Variants in AGPS observed in about 807,000 individuals in gnomAD.
AGPS encodes alkyldihydroxyacetonephosphate synthase, peroxisomal.
In AGPS, 26 loss-of-function variants were observed where a neutral mutation model predicts 90.7. The ratio of observed to expected loss-of-function variants is 0.29; its 90% CI spans 0.21 to 0.40. The LOEUF is 0.40. Ranked by LOEUF, AGPS falls within the 10% of genes least tolerant of loss-of-function variation. The pLI is 1.00. For missense variants in AGPS, 540 were observed against 816.1 expected, an observed-to-expected ratio of 0.66 and a Z score of 4.12; for synonymous variants, 294 against 285.3, an observed-to-expected ratio of 1.03 and a Z score of -0.31.
At chr2:177,414,384 AT>A (rs995819396) in intron 1 of AGPS, among the ~76,000 whole-genome samples, 3 of 151,546 alleles carry the variant, frequency 2.0e-5, no homozygotes, top group Non-Finnish European at 4.4e-5. Flanking sequence ...ATTTTATTTT[AT>A]TTTTGAGAAT....
chr2:177,527,460 C>T (rs892128326), intron 19 of AGPS, among the ~76,000 whole-genome samples: 3 of 151,994 alleles, frequency 2.0e-5, no homozygotes, highest in Non-Finnish European at 4.4e-5. Context: ...AAATATTATA[C>T]ATTACTATTT....
intron 15 of AGPS, among the ~76,000 whole-genome samples, chr2:177,506,159 G>C (rs1688703943): frequency 6.6e-6 from 1 of 151,340 alleles, no homozygotes; most frequent in African/African-American, 2.4e-5. Flanking sequence ...ATTTAGTTTT[G>C]TTTTTCTACT....
chr2:177,486,275 T>C (rs1175896635), intron 11 of AGPS, among the ~76,000 whole-genome samples: 1 of 152,238 alleles, frequency 6.6e-6, no homozygotes, highest in Non-Finnish European at 1.5e-5. Context: ...AATGCACATG[T>C]AGAGAGGCAT....
chr2:177,527,727 T>G (rs2079102209), intron 19 of AGPS, among the ~76,000 whole-genome samples: 1 of 152,158 alleles, frequency 6.6e-6, no homozygotes, highest in Non-Finnish European at 1.5e-5. Flanking sequence ...AGGCCTTCTT[T>G]TATTGAAGAC....
At chr2:177,464,238 GC>G (rs1383467640) in intron 9 of AGPS, among the ~76,000 whole-genome samples, 1 of 152,142 alleles carries the variant, frequency 6.6e-6, no homozygotes, top group Non-Finnish European at 1.5e-5. Context: ...ACCGTGCCCA[GC>G]CAGCACGTTT....
intron 16 of AGPS, among the ~76,000 whole-genome samples, chr2:177,509,686 C>T (rs1021071237): frequency 6.8e-6 from 1 of 146,962 alleles, no homozygotes; most frequent in Non-Finnish European, 1.5e-5. Context: ...AAAAAAGAAG[C>T]AGTTTGGCAG....
chr2:177,395,679 G>T (rs1012794301), intron 1 of AGPS, among the ~76,000 whole-genome samples: 1 of 152,216 alleles, frequency 6.6e-6, no homozygotes, highest in Non-Finnish European at 1.5e-5. Flanking sequence ...CTAATAAGGT[G>T]TGAGTATGCC....
chr2:177,399,778 A>G (rs1335614053), intron 1 of AGPS, among the ~76,000 whole-genome samples: 1 of 152,258 alleles, frequency 6.6e-6, no homozygotes, highest in Non-Finnish European at 1.5e-5. Flanking sequence ...TCCTTCCACC[A>G]GGATAACCAC....
rs144395413 is a variant in AGPS, at chr2:177,479,792, G to T, written c.1106-2267G>T. Among the ~76,000 whole-genome samples, 610 of 152,296 alleles carry T rather than the reference G, an allele frequency of 4.0e-3. 5 individuals are homozygous for T. Among genetic ancestry groups the T allele is most frequent in the East Asian group, 0.032 (166 of 5,186 alleles). On this transcript the variant is annotated intron_variant, in intron 10 of 19. Transcript: ENST00000264167. ...GTGGGAGTAGAAATGGAGAGGGTTT[G>T]TTTAGTGGATATGGTTTCTTTTTTG... is the stretch of plus-strand genomic sequence containing the variant.
chr2:177,409,340 C>T (rs1179790550), intron 1 of AGPS, among the ~76,000 whole-genome samples: 1 of 151,884 alleles, frequency 6.6e-6, no homozygotes, highest in Non-Finnish European at 1.5e-5. Context: ...GGGTTTATAT[C>T]CCAATCATTG....
chr2:177,427,434 ATGT>A (rs1686117884), intron 2 of AGPS, among the ~76,000 whole-genome samples: 1 of 152,040 alleles, frequency 6.6e-6, no homozygotes, highest in Non-Finnish European at 1.5e-5. Flanking sequence ...TTTAGTTGTC[ATGT>A]TAGGTTGTTA....
intron 13 of AGPS, among the ~76,000 whole-genome samples, chr2:177,499,386 A>T (rs2105711632): frequency 6.6e-6 from 1 of 152,022 alleles, no homozygotes; most frequent in East Asian, 1.9e-4. Context: ...ACACTGTGGC[A>T]TACTTTGAAA....
intron 10 of AGPS, among the ~76,000 whole-genome samples, chr2:177,474,883 A>G (rs571471607): frequency 1.2e-4 from 18 of 152,356 alleles, no homozygotes; most frequent in African/African-American, 4.1e-4. Context: ...ATTCAAATAA[A>G]TATTCTCAAA....
At chr2:177,415,697 A>C (rs1045779683) in intron 1 of AGPS, among the ~76,000 whole-genome samples, 1 of 152,206 alleles carries the variant, frequency 6.6e-6, no homozygotes, top group Admixed American at 6.5e-5. Context: ...ATCTTATCAG[A>C]GTCCTCAAGT....
At chr2:177,393,546 ACTTG>A in intron 1 of AGPS, 1 of 985,312 alleles carries the variant, frequency 1.0e-6, no homozygotes, top group Non-Finnish European at 1.2e-6. Flanking sequence ...GGTAAGTTCC[ACTTG>A]CTTAGGATCA....
intron 11 of AGPS, among the ~76,000 whole-genome samples, chr2:177,485,564 C>T (rs1372786472): frequency 6.6e-6 from 1 of 152,080 alleles, no homozygotes; most frequent in East Asian, 1.9e-4. Context: ...TGTCCTTTTA[C>T]TCATTTAAAA....
At chr2:177,442,582 C>G (rs989981006) in intron 7 of AGPS, 96 bp downstream of exon 7, 1 of 1,018,608 alleles carries the variant, frequency 9.8e-7, no homozygotes, top group African/African-American at 1.6e-5. Context: ...CGCTGTGGCT[C>G]ACGCTTGTAA....
intron 19 of AGPS, among the ~76,000 whole-genome samples, chr2:177,534,932 T>C (rs2079170920): frequency 6.6e-6 from 1 of 152,100 alleles, no homozygotes; most frequent in Admixed American, 6.6e-5. Flanking sequence ...TTGGCCCATC[T>C]TTTTTATGTC....
intron 9 of AGPS, among the ~76,000 whole-genome samples, chr2:177,466,773 G>A (rs1687462866): frequency 6.6e-6 from 1 of 152,226 alleles, no homozygotes; most frequent in Non-Finnish European, 1.5e-5. Flanking sequence ...GGAGAAGCCA[G>A]GCGGTGGAAG....
Sources: gnomAD v4.1 joint callset for allele counts (sites outside exome capture counted in the v4.1 genomes callset) on GRCh38, gnomAD v4.1.1 for gene constraint, MANE v1.5 for transcripts, NCBI Gene and HGNC (gene_info 2026-07-23, HGNC 2026-07-21) for gene names.